Variants in HOXB3 observed in about 807,000 individuals in gnomAD.
HOXB3 encodes homeobox protein Hox-B3.
In HOXB3, 17 loss-of-function variants were observed where a neutral mutation model predicts 29.2. That is an observed-to-expected ratio of 0.58 (90% CI 0.40 to 0.87). The LOEUF (loss-of-function observed/expected upper bound fraction) is 0.87. Ranked by LOEUF, HOXB3 falls within the 40% of genes least tolerant of loss-of-function variation. The pLI is 0.00. For synonymous variants in HOXB3, 317 were observed against 285.9 expected, an observed-to-expected ratio of 1.11 and a Z score of -1.10; for missense variants, 637 against 616.3, an observed-to-expected ratio of 1.03 and a Z score of -0.35.
rs947999294 is a variant in HOXB3, at chr17:48,550,362, T to A, written c.1268A>T (p.Gln423Leu). Residue 423 changes from glutamine (Q) to leucine (L), a missense_variant, in exon 5 of 5, where the codon CAA becomes CTA. Coordinates refer to ENST00000498678, the MANE Select transcript of HOXB3 (RefSeq NM_001384749.1). ...HHAPPPQGRI[Q>L]EAPKLTHL is the part of the protein sequence containing the mutation. ...CAGGTGTGTTAATTTGGGCGCTTCT[T>A]GGATTCTACCCTGAGGAGGAGGCGC... 3 of 1,614,094 alleles carry A rather than the reference T, an allele frequency of 1.9e-6. No homozygotes were observed. Among genetic ancestry groups the A allele is most frequent in the Non-Finnish European group, 2.5e-6 (3 of 1,180,022 alleles).
intron 2 of HOXB3, among the ~76,000 whole-genome samples, chr17:48,557,847 C>G (rs2069048475): frequency 6.6e-6 from 1 of 152,080 alleles, no homozygotes; most frequent in African/African-American, 2.4e-5. Flanking sequence ...GCCTGGAACC[C>G]CAAAGAGACC....
chr17:48,573,375 C>A (rs1057005639), intron 2 of HOXB3, among the ~76,000 whole-genome samples: 1 of 152,168 alleles, frequency 6.6e-6, no homozygotes, highest in African/African-American at 2.4e-5. Flanking sequence ...CAAGAGGCAG[C>A]AGTGACAACG....
In HOXB3 at chr17:48,561,214, A is replaced by ACACACACACACT. The variant is rs1197582129; in HGVS notation, c.-246-5597_-246-5596insAGTGTGTGTGTG. On this transcript the variant is annotated intron_variant, in intron 2 of 4. Coordinates refer to ENST00000498678, the MANE Select transcript of HOXB3 (RefSeq NM_001384749.1). Reference sequence around the variant, plus strand: ...CACACACACACACACACACACACACACACACACACACACTGAACAATGACA... The same window carrying ACACACACACACT: ...CACACACACACACACACACACACACACACACACACACTCACACACACACACTGAACAATGACA... 2.5e-4 allele frequency among the ~76,000 whole-genome samples: 38 copies of ACACACACACACT among 151,844 alleles called. 2 individuals carry two copies. The South Asian group carries it at 5.9e-3, about 23-fold the overall frequency.
Position 48,549,052 on chromosome 17 carries a change from T to C in HOXB3, c.*1282A>G, listed in dbSNP as rs972701472. On this transcript the variant is annotated 3_prime_UTR_variant, in exon 5 of 5. Coordinates refer to ENST00000498678, the MANE Select transcript of HOXB3 (RefSeq NM_001384749.1). ...TCATGCCTTTTAGAACTAATTACAA[T>C]TGTTCGTAAGTACGAGTTTAACATA... The C allele has an allele frequency of 1.3e-5, 2 of 152,674 alleles. No homozygotes were observed. Among genetic ancestry groups the C allele is most frequent in the African/African-American group, 4.8e-5 (2 of 41,456 alleles). 9.5% of individuals were successfully genotyped at this position (152,674 alleles called of 1,614,324 possible). A position where few individuals can be genotyped will look rare whatever the true frequency, so the allele number is the denominator to read the frequency against.
chr17:48,552,503 C>A lies in HOXB3; in HGVS notation c.-29G>T. On this transcript the variant is annotated 5_prime_UTR_variant, in exon 4 of 5. Coordinates refer to ENST00000498678, the MANE Select transcript of HOXB3 (RefSeq NM_001384749.1). ...TGGGTGAGGCCTGGGCAGTGGGTGG[C>A]AACTTGGAAAGGCCTGATACCCTCA... 6.5e-7 allele frequency: 1 copy of A among 1,531,130 alleles called. No homozygotes were observed. The highest frequency in any genetic ancestry group is 8.8e-7 in the Non-Finnish European group (1 of 1,134,382). The allele number at this position is 1,531,130 out of a possible 1,614,324, so 94.8% of individuals were successfully genotyped here.
chr17:48,582,954 C>T (rs956705007), intron 1 of HOXB3, among the ~76,000 whole-genome samples: 1 of 152,206 alleles, frequency 6.6e-6, no homozygotes, highest in African/African-American at 2.4e-5. Flanking sequence ...GCACCTGGGC[C>T]CCAGAGAGCA....
intron 2 of HOXB3, among the ~76,000 whole-genome samples, chr17:48,565,612 T>A (rs2069364181): frequency 6.6e-6 from 1 of 152,248 alleles, no homozygotes; most frequent in Admixed American, 6.5e-5. Context: ...TTTAGGAGTG[T>A]CTCCAGAAAT....
rs762753310 is a variant in HOXB3 at position 48,551,141 on chromosome 17, TCCG to T, written c.486_488del (p.Gly164del). 5.7e-5 allele frequency: 75 copies of T among 1,306,614 alleles called. No individual in the cohort carries two copies. Among genetic ancestry groups the T allele is most frequent in the South Asian group, 2.0e-4 (8 of 39,128 alleles). 80.9% of individuals were successfully genotyped at this position (1,306,614 alleles called of 1,614,324 possible). A position where few individuals can be genotyped will look rare whatever the true frequency, so the allele number is the denominator to read the frequency against. ...CACCGCCCCCGCTGCCACCACTGCC[TCCG>T]CCGCCGCCGCCACCGCCGCCGCCAC... On this transcript the variant is annotated inframe_deletion, in exon 5 of 5. Coordinates refer to ENST00000498678, the MANE Select transcript of HOXB3 (RefSeq NM_001384749.1).
chr17:48,576,887 G>A (rs1192169983), intron 1 of HOXB3: 1 of 1,614,242 alleles, frequency 6.2e-7, no homozygotes, highest in Non-Finnish European at 8.5e-7. Flanking sequence ...GGCAGAGCGC[G>A]TGGGCGATCT....
In HOXB3 at chr17:48,552,540, T is replaced by G; in HGVS notation, c.-66A>C. 7.8e-7 allele frequency: 1 copy of G among 1,282,240 alleles called. No individual in the cohort carries two copies. Among genetic ancestry groups the G allele is most frequent in the South Asian group, 1.5e-5 (1 of 67,086 alleles). The allele number at this position is 1,282,240 out of a possible 1,614,324, so 79.4% of individuals were successfully genotyped here. A position where few individuals can be genotyped will look rare whatever the true frequency, so the allele number is the denominator to read the frequency against. ...GCCTGATACCCTCAGGACCGGACAT[T>G]GGCAACCCTGGGGGTCACGTGACAC... On this transcript the variant is annotated 5_prime_UTR_variant, in exon 4 of 5. Transcript: ENST00000498678.
chr17:48,555,021 T>A (rs1202382767), intron 3 of HOXB3, among the ~76,000 whole-genome samples: 1 of 150,904 alleles, frequency 6.6e-6, no homozygotes, highest in East Asian at 2.0e-4. Flanking sequence ...AGACGGTGGC[T>A]GCCGGCTTCC....
chr17:48,583,840 C>A (rs756401659), intron 1 of HOXB3, among the ~76,000 whole-genome samples: 8 of 152,202 alleles, frequency 5.3e-5, no homozygotes, highest in Non-Finnish European at 1.5e-5. Flanking sequence ...GAAATAGGGA[C>A]CTTCACCCAA....
At position 48,573,822 on chromosome 17, in the gene HOXB3, C is replaced by T. The variant is rs1361107848; in HGVS notation, c.-247+15G>A. The T allele has an allele frequency of 1.4e-6, 1 of 701,952 alleles. No homozygotes were observed. The highest frequency in any genetic ancestry group is 1.7e-5 in the African/African-American group (1 of 57,206). The allele number at this position is 701,952 out of a possible 1,614,324, so 43.5% of individuals were successfully genotyped here. A position where few individuals can be genotyped will look rare whatever the true frequency, so the allele number is the denominator to read the frequency against. ...AACGATCAAAACACGCCAGCCCGGG[C>T]CCGGGCTTTGTTACCTTTGCGCCTC... On this transcript the variant is annotated intron_variant, in intron 2 of 4. Coordinates refer to ENST00000498678, the MANE Select transcript of HOXB3 (RefSeq NM_001384749.1).
intron 2 of HOXB3, among the ~76,000 whole-genome samples, chr17:48,562,960 C>G (rs1246410108): frequency 6.6e-6 from 1 of 152,200 alleles, no homozygotes; most frequent in Non-Finnish European, 1.5e-5. Flanking sequence ...GCTCCCCACT[C>G]CCAAACAGAG....
chr17:48,581,308 A>T (rs1311338898), intron 1 of HOXB3: 1 of 152,154 alleles, frequency 6.6e-6, no homozygotes, highest in East Asian at 1.9e-4. Context: ...GACAGGCTGA[A>T]CTCACACATA....
chr17:48,568,519 C>T (rs772605412), intron 2 of HOXB3, among the ~76,000 whole-genome samples: 1 of 152,136 alleles, frequency 6.6e-6, no homozygotes, highest in Non-Finnish European at 1.5e-5. Context: ...GAGAGCGACT[C>T]TCTCCCGGCC....
At position 48,554,757 on chromosome 17, in the gene HOXB3, G is replaced by A; in HGVS notation, c.-159+774C>T. 1.4e-6 allele frequency: 1 copy of A among 702,402 alleles called. No individual in the cohort carries two copies. Among genetic ancestry groups the A allele is most frequent in the Non-Finnish European group, 2.6e-6 (1 of 384,844 alleles). 43.5% of individuals were successfully genotyped at this position (702,402 alleles called of 1,614,324 possible). On this transcript the variant is annotated intron_variant, in intron 3 of 4. Coordinates refer to ENST00000498678, the MANE Select transcript of HOXB3 (RefSeq NM_001384749.1). The surrounding 1 kb of genome is among the most constrained non-coding windows in gnomAD (Gnocchi z 4.1). ...CGGGCGGCAGCAAGTTTTGGGAGCT[G>A]GAGGTAACCGAATTAAAAGGCGCCT...
intron 2 of HOXB3, among the ~76,000 whole-genome samples, chr17:48,571,905 C>T (rs1325320781): frequency 6.6e-6 from 1 of 152,208 alleles, no homozygotes; most frequent in Non-Finnish European, 1.5e-5. Context: ...AAAATGCAAA[C>T]CAACAACCCA....
At chr17:48,572,000 C>CTCTCTT (rs555149591) in intron 2 of HOXB3, among the ~76,000 whole-genome samples, 229 of 152,322 alleles carry the variant, frequency 1.5e-3, no homozygotes, top group African/African-American at 4.8e-3. Flanking sequence ...CTGTATCTGT[C>CTCTCTT]TCTCTTTCTC....
Sources: allele counts gnomAD v4.1 joint callset (sites outside exome capture counted in the v4.1 genomes callset), GRCh38; gene constraint gnomAD v4.1.1; non-coding constraint Gnocchi (gnomAD v3.1); transcripts MANE v1.5; gene names NCBI Gene and HGNC (gene_info 2026-07-23, HGNC 2026-07-21).